NKD1: variants seen among roughly 807,000 people sequenced by gnomAD.
The protein encoded by NKD1 is NKD inhibitor of Wnt signaling pathway 1.
Under a neutral mutation model 56.0 loss-of-function variants are expected in NKD1, and 21 were observed. The observed-to-expected ratio is 0.38, with a 90% CI of 0.27 to 0.54. NKD1 has a LOEUF of 0.54. Among genes scored for constraint, NKD1 ranks in the 20% least tolerant of loss-of-function variants. The pLI, the probability that NKD1 is intolerant of heterozygous loss-of-function variation, is 0.82. For synonymous variants in NKD1, 263 were observed against 265.7 expected, an observed-to-expected ratio of 0.99 and a Z score of 0.10; for missense variants, 578 against 642.7, an observed-to-expected ratio of 0.90 and a Z score of 1.09.
intron 5 of NKD1, 70 bp downstream of exon 5, chr16:50,621,778 A>G: frequency 8.9e-7 from 1 of 1,128,556 alleles, no homozygotes; most frequent in Non-Finnish European, 1.3e-6. Flanking sequence ...CTTTGGGAGG[A>G]GGGAAGCTGA....
intron 3 of NKD1, among the ~76,000 whole-genome samples, chr16:50,581,469 C>G (rs1961114147): frequency 6.6e-6 from 1 of 152,212 alleles, no homozygotes; most frequent in African/African-American, 2.4e-5. Flanking sequence ...CGGGTGCTTT[C>G]TCTTGCATTC....
At chr16:50,562,219 T>C (rs745797405) in intron 3 of NKD1, 3 of 691,356 alleles carry the variant, frequency 4.3e-6, no homozygotes, top group Non-Finnish European at 5.3e-6. Context: ...CCTGAGACGC[T>C]GCTGAATGAG....
At chr16:50,556,298 G>A (rs1456329748) in intron 3 of NKD1, 1 of 152,294 alleles carries the variant, frequency 6.6e-6, no homozygotes, top group African/African-American at 2.4e-5. Flanking sequence ...TTCTAAACAA[G>A]CACTTCCAGA....
At chr16:50,627,902 G>A (rs533197524) in intron 6 of NKD1, among the ~76,000 whole-genome samples, 29 of 152,226 alleles carry the variant, frequency 1.9e-4, no homozygotes, top group East Asian at 1.4e-3. Context: ...TGAAGTGAGC[G>A]GCCATCAGCT....
intron 3 of NKD1, chr16:50,571,467 G>A (rs1431339386): frequency 3.0e-6 from 3 of 985,172 alleles, no homozygotes; most frequent in East Asian, 1.1e-4. Context: ...ACTCACTGCC[G>A]CTCACACACC....
chr16:50,594,790 A>G (rs1169645830), intron 3 of NKD1, among the ~76,000 whole-genome samples: 1 of 145,626 alleles, frequency 6.9e-6, no homozygotes, highest in Non-Finnish European at 1.5e-5. Flanking sequence ...TGGGGAGCAC[A>G]TAGGGAAGGG....
chr16:50,610,888 C>T (rs1961831417), intron 4 of NKD1, among the ~76,000 whole-genome samples: 1 of 152,160 alleles, frequency 6.6e-6, no homozygotes, highest in Admixed American at 6.5e-5. Flanking sequence ...CATCAAAAGT[C>T]TCAAGCTCTG....
chr16:50,593,941 G>A (rs79814398), intron 3 of NKD1, among the ~76,000 whole-genome samples: 3,286 of 152,258 alleles, frequency 0.022, 129 homozygotes, highest in African/African-American at 0.075. Context: ...CTGGAGACCA[G>A]GGGCTTCTGA....
chr16:50,595,917 A>G (rs1391607902), intron 3 of NKD1, among the ~76,000 whole-genome samples: 1 of 152,016 alleles, frequency 6.6e-6, no homozygotes, highest in African/African-American at 2.4e-5. Flanking sequence ...TTGCTTTGAG[A>G]TCTTTGGTTG....
At chr16:50,605,077 G>A (rs1961676415) in intron 3 of NKD1, among the ~76,000 whole-genome samples, 1 of 152,228 alleles carries the variant, frequency 6.6e-6, no homozygotes, top group South Asian at 2.1e-4. Flanking sequence ...CCGGGCTGAG[G>A]CATCTGAAGG....
At chr16:50,580,029 T>C (rs1212838592) in intron 3 of NKD1, among the ~76,000 whole-genome samples, 1 of 151,964 alleles carries the variant, frequency 6.6e-6, no homozygotes, top group African/African-American at 2.4e-5. Flanking sequence ...TCCCACAGGC[T>C]ACCAGCTACA....
chr16:50,548,660 T>A, intron 1 of NKD1, 57 bp from the exon 2 acceptor site: 1 of 1,464,456 alleles, frequency 6.8e-7, no homozygotes, highest in East Asian at 3.0e-5. Flanking sequence ...TTCCTTTCTT[T>A]CCTTCTCCCG....
rs992547496 is a variant in NKD1 at position 50,646,904 on chromosome 16, A to C, written c.*13123A>C. ...ATATCCCCAGGGTCATGCCTCTGCCACCCAGACCCCACCACATTCAGCCCT... is the reference window on the plus strand; with the variant it reads ...ATATCCCCAGGGTCATGCCTCTGCCCCCCAGACCCCACCACATTCAGCCCT... On this transcript the variant is annotated 3_prime_UTR_variant, in exon 10 of 10. Transcript: ENST00000268459. 6.6e-6 allele frequency: 1 copy of C among 152,210 alleles called. No homozygotes were observed. Among genetic ancestry groups the C allele is most frequent in the African/African-American group, 2.4e-5 (1 of 41,432 alleles). The allele number at this position is 152,210 out of a possible 1,614,324, so 9.4% of individuals were successfully genotyped here. A position where few individuals can be genotyped will look rare whatever the true frequency, so the allele number is the denominator to read the frequency against.
At chr16:50,584,383 G>A (rs1961183325) in intron 3 of NKD1, among the ~76,000 whole-genome samples, 1 of 152,192 alleles carries the variant, frequency 6.6e-6, no homozygotes, top group African/African-American at 2.4e-5. Flanking sequence ...CCCCAAAAGG[G>A]TATGGAATCA....
chr16:50,629,571 G>A (rs1204506810), intron 6 of NKD1, among the ~76,000 whole-genome samples: 1 of 152,182 alleles, frequency 6.6e-6, no homozygotes, highest in East Asian at 1.9e-4. Context: ...ACAAGGAGTT[G>A]GCTTGGCCCC....
chr16:50,584,515 G>A (rs1481301005), intron 3 of NKD1, among the ~76,000 whole-genome samples: 2 of 152,242 alleles, frequency 1.3e-5, no homozygotes, highest in Non-Finnish European at 2.9e-5. Flanking sequence ...CTTTCCAAAT[G>A]TGTAACTTTG....
In NKD1 at chr16:50,637,648, G is replaced by A. The variant is rs1469475055; in HGVS notation, c.*3867G>A. The A allele has an allele frequency of 6.6e-6, 1 of 152,264 alleles. No individual in the cohort carries two copies. Among genetic ancestry groups the A allele is most frequent in the Non-Finnish European group, 1.5e-5 (1 of 68,060 alleles). The allele number at this position is 152,264 out of a possible 1,614,324, so 9.4% of individuals were successfully genotyped here. On this transcript the variant is annotated 3_prime_UTR_variant, in exon 10 of 10. Transcript: ENST00000268459. ...AGAGAGGAAGGAAGGTTGGAAGGAA[G>A]GAAGGAGGGAAAATTAGAAGGGGAA...
At chr16:50,603,752 G>A (rs181175923) in intron 3 of NKD1, among the ~76,000 whole-genome samples, 1 of 152,326 alleles carries the variant, frequency 6.6e-6, no homozygotes, top group East Asian at 1.9e-4. Flanking sequence ...TCCCATCCCC[G>A]GAGGCCTTAT....
chr16:50,583,684 G>A (rs1961167344), intron 3 of NKD1, among the ~76,000 whole-genome samples: 1 of 152,204 alleles, frequency 6.6e-6, no homozygotes, highest in African/African-American at 2.4e-5. Context: ...AGGCTGGCAT[G>A]GAAGAAAGAT....
Sources: allele counts gnomAD v4.1 joint callset (sites outside exome capture counted in the v4.1 genomes callset), GRCh38; gene constraint gnomAD v4.1.1; transcripts MANE v1.5; gene names NCBI Gene and HGNC (gene_info 2026-07-23, HGNC 2026-07-21).